Variants in PDE10A observed in about 807,000 individuals in gnomAD.
The protein encoded by PDE10A is cAMP and cAMP-inhibited cGMP 3',5'-cyclic phosphodiesterase 10A.
PDE10A carries 39 observed loss-of-function variants against 97.7 expected under a neutral mutation model. The ratio of observed to expected loss-of-function variants is 0.40; its 90% confidence interval spans 0.31 to 0.52. The LOEUF is 0.52. Ranked by LOEUF, PDE10A falls within the 20% of genes least tolerant of loss-of-function variation. PDE10A has a pLI of 0.56. For synonymous variants in PDE10A, 371 were observed against 376.8 expected (o/e 0.98, Z 0.18); for missense variants, 731 against 1,047.8 (o/e 0.70, Z 4.17).
At chr6:165,432,415 C>A (rs9365885) in intron 7 of PDE10A, among the ~76,000 whole-genome samples, 28,414 of 151,992 alleles carry the variant, frequency 0.19, 2,874 homozygotes, top group East Asian at 0.35. Flanking sequence ...GAGGATCCAG[C>A]GTGGCTGGAG....
At chr6:165,680,511 A>G (rs1224721187) in intron 1 of PDE10A, among the ~76,000 whole-genome samples, 1 of 152,250 alleles carries the variant, frequency 6.6e-6, no homozygotes, top group Non-Finnish European at 1.5e-5. Flanking sequence ...CTTGAACTTG[A>G]GTCATAATCC....
chr6:165,659,973 G>A (rs1308263243), intron 1 of PDE10A: 2 of 152,484 alleles, frequency 1.3e-5, no homozygotes, highest in African/African-American at 4.8e-5. Context: ...AGAAGCCTAC[G>A]ATCCCGTGCC....
At chr6:165,718,088 T>G (rs571440228) in intron 1 of PDE10A, 6 of 152,226 alleles carry the variant, frequency 3.9e-5, no homozygotes, top group Non-Finnish European at 7.3e-5. Flanking sequence ...GCACAAAAGT[T>G]TTTAATTTTG....
intron 10 of PDE10A, among the ~76,000 whole-genome samples, chr6:165,428,378 G>A (rs1789316043): frequency 6.6e-6 from 1 of 152,118 alleles, no homozygotes; most frequent in Non-Finnish European, 1.5e-5. Flanking sequence ...TGTCCCATAT[G>A]TAAGAGGTGT....
intron 1 of PDE10A, chr6:165,780,375 GATA>G (rs1446407341): frequency 1.6e-4 from 24 of 152,312 alleles, no homozygotes; most frequent in African/African-American, 5.3e-4. Context: ...TAAGAGAACA[GATA>G]ATAAGTCTTT....
At chr6:165,424,634 T>A (rs931741118) in intron 10 of PDE10A, among the ~76,000 whole-genome samples, 2 of 152,032 alleles carry the variant, frequency 1.3e-5, no homozygotes, top group African/African-American at 2.4e-5. Context: ...CATAACCCAA[T>A]ACCAGTACTA....
At chr6:165,525,177 C>T (rs1782359860) in intron 2 of PDE10A, among the ~76,000 whole-genome samples, 1 of 152,080 alleles carries the variant, frequency 6.6e-6, no homozygotes, top group Non-Finnish European at 1.5e-5. Flanking sequence ...AGGAGGTGCA[C>T]TACACTTGAA....
At chr6:165,637,159 C>T (rs1005294341) in intron 1 of PDE10A, among the ~76,000 whole-genome samples, 28 of 152,194 alleles carry the variant, frequency 1.8e-4, no homozygotes, top group African/African-American at 6.5e-4. Context: ...AAACTTCTCA[C>T]AGACTATAAG....
At chr6:165,637,850 G>A (rs898585026) in intron 1 of PDE10A, among the ~76,000 whole-genome samples, 1 of 152,128 alleles carries the variant, frequency 6.6e-6, no homozygotes, top group African/African-American at 2.4e-5. Context: ...CAAAGCAGAA[G>A]GCAAAATCTG....
intron 13 of PDE10A, among the ~76,000 whole-genome samples, chr6:165,402,896 T>G (rs1036602630): frequency 2.6e-5 from 4 of 152,216 alleles, no homozygotes; most frequent in African/African-American, 9.6e-5. Flanking sequence ...ACTGTGTCTA[T>G]GAGACACCCT....
intron 1 of PDE10A, among the ~76,000 whole-genome samples, chr6:165,923,083 G>A (rs140116450): frequency 4.6e-4 from 70 of 152,316 alleles, no homozygotes; most frequent in African/African-American, 1.6e-3. Flanking sequence ...GATGGAGAAA[G>A]GAAACCAAGA....
intron 1 of PDE10A, among the ~76,000 whole-genome samples, chr6:165,656,258 TCACACACACACACACA>T (rs3083000): frequency 6.2e-5 from 8 of 129,840 alleles, no homozygotes; most frequent in South Asian, 2.5e-4. Flanking sequence ...TCTCTCTCTC[TCACACACACACACACA>T]CACACACACA....
intron 1 of PDE10A, among the ~76,000 whole-genome samples, chr6:165,896,210 G>A (rs1005617866): frequency 6.6e-5 from 10 of 152,056 alleles, no homozygotes; most frequent in African/African-American, 1.7e-4. Flanking sequence ...GGACTCTGTC[G>A]AAGCCGTTTC....
rs1562809686 is a variant in PDE10A at position 165,943,219 on chromosome 6, GAAAGAAAGAAAGAAA to G, written c.-615+44295_-615+44309del. On this transcript the variant is annotated intron_variant, in intron 1 of 19. Transcript: ENST00000366882. ...AGAAAGAAAGAAAGAAAGAAAGAAA[GAAAGAAAGAAAGAAA>G]GAAGGAAGGAAGGAAGGAAGGAAGG... Among the ~76,000 whole-genome samples the G allele has an allele frequency of 2.6e-3, 190 of 72,812 alleles. 1 individual carries two copies. Among genetic ancestry groups the G allele is most frequent in the Admixed American group, 6.3e-3 (45 of 7,142 alleles). The allele number at this position is 72,812 out of a possible 152,430, so 47.8% of individuals were successfully genotyped here.
rs772949402 is a variant in PDE10A at position 165,746,317 on chromosome 6, G to T, written c.-614-202749C>A. The stretch of plus-strand genomic sequence containing the variant: ...TTGGAGCTGGTGTTGACACTTGCGT[G>T]GGGTACATTTATTGACTCTTTCAAG... On this transcript the variant is annotated intron_variant, in intron 1 of 19. Coordinates refer to the PDE10A transcript ENST00000366882. Among the ~76,000 whole-genome samples, 5 of 152,212 alleles carry T rather than the reference G, an allele frequency of 3.3e-5. No homozygotes were observed. The East Asian group carries it at 9.6e-4, about 29-fold the overall frequency.
chr6:165,629,442 C>G (rs1473141876), intron 1 of PDE10A, among the ~76,000 whole-genome samples: 6 of 150,584 alleles, frequency 4.0e-5, no homozygotes, highest in African/African-American at 1.5e-4. Context: ...ATGACATTTT[C>G]AAATGTAAAC....
intron 3 of PDE10A, among the ~76,000 whole-genome samples, chr6:165,458,363 C>T (rs1253112577): frequency 6.6e-6 from 1 of 152,020 alleles, no homozygotes; most frequent in Non-Finnish European, 1.5e-5. Context: ...AGAATAGAGC[C>T]CTCATGAATG....
chr6:165,773,392 G>T (rs1304635371), intron 1 of PDE10A: 2 of 152,128 alleles, frequency 1.3e-5, no homozygotes, highest in Non-Finnish European at 1.5e-5. Flanking sequence ...TGCTATACAG[G>T]CTATATTTGA....
At chr6:165,541,296 A>C (rs1464728929) in intron 2 of PDE10A, among the ~76,000 whole-genome samples, 1 of 152,174 alleles carries the variant, frequency 6.6e-6, no homozygotes, top group Non-Finnish European at 1.5e-5. Flanking sequence ...AGGTCAAATA[A>C]AAAACATCTC....
Sources: gnomAD v4.1 joint callset for allele counts (sites outside exome capture counted in the v4.1 genomes callset) on GRCh38, gnomAD v4.1.1 for gene constraint, MANE v1.5 for transcripts, NCBI Gene and HGNC (gene_info 2026-07-23, HGNC 2026-07-21) for gene names.